The following NEGR1 variants were observed in gnomAD, a reference collection of about 807,000 sequenced individuals.
NEGR1 encodes the protein IgLON family member 4.
In NEGR1, 10 loss-of-function variants were observed where a neutral mutation model predicts 40.9. The observed-to-expected ratio is 0.24, with a 90% confidence interval of 0.15 to 0.42. The LOEUF is 0.42. NEGR1 is among the 10% of genes least tolerant of loss of function. The probability of loss-of-function intolerance (pLI) is 1.00; values close to 1 mark genes in which losing one functional copy is unlikely to be tolerated. For missense variants in NEGR1, 352 were observed against 438.9 expected, an observed-to-expected ratio of 0.80 and a Z score of 1.77; for synonymous variants, 185 against 166.8, an observed-to-expected ratio of 1.11 and a Z score of -0.84.
chr1:72,208,956 G>C (rs1653503447), intron 1 of NEGR1, among the ~76,000 whole-genome samples: 1 of 151,396 alleles, frequency 6.6e-6, no homozygotes, highest in Non-Finnish European at 1.5e-5. Context: ...AAAAAATATT[G>C]TAAGTTTCTT....
intron 1 of NEGR1, among the ~76,000 whole-genome samples, chr1:72,145,573 T>C (rs1219461741): frequency 6.6e-6 from 1 of 152,018 alleles, no homozygotes; most frequent in Non-Finnish European, 1.5e-5. Context: ...ATGAAATGGG[T>C]TGTTTTGGTG....
chr1:72,166,840 C>A (rs1335209419), intron 1 of NEGR1, among the ~76,000 whole-genome samples: 2 of 151,826 alleles, frequency 1.3e-5, no homozygotes, highest in African/African-American at 4.8e-5. Flanking sequence ...CATAGTGTAT[C>A]CTATGCATAC....
intron 4 of NEGR1, among the ~76,000 whole-genome samples, chr1:71,650,752 T>C (rs1176210942): frequency 1.3e-5 from 2 of 152,164 alleles, no homozygotes; most frequent in Admixed American, 1.3e-4. Context: ...TAAAATGGAA[T>C]TGTGATTTTG....
At position 72,123,118 on chromosome 1, in the gene NEGR1, A is replaced by G. The variant is rs1384097462; in HGVS notation, c.176+159201T>C. On this transcript the variant is annotated intron_variant, in intron 1 of 6. Coordinates refer to ENST00000357731, the MANE Select transcript of NEGR1 (RefSeq NM_173808.3). ...TGTGAAGTTTCTTAAGCGAATAAGA[A>G]TTTATTTAGAATCATAGACCCTCAG... is the stretch of plus-strand genomic sequence containing the variant. Among the ~76,000 whole-genome samples, 3 of 152,064 alleles carry G rather than the reference A, an allele frequency of 2.0e-5. No homozygotes were observed. In the East Asian group the frequency reaches 5.8e-4, roughly 29 times the overall value.
chr1:72,051,234 C>T (rs1302673442), intron 1 of NEGR1, among the ~76,000 whole-genome samples: 1 of 151,332 alleles, frequency 6.6e-6, no homozygotes, highest in Non-Finnish European at 1.5e-5. Flanking sequence ...GATAAGGTAC[C>T]TTACATTTGT....
chr1:71,615,351 A>G (rs1414219171), intron 4 of NEGR1, among the ~76,000 whole-genome samples: 1 of 152,224 alleles, frequency 6.6e-6, no homozygotes, highest in East Asian at 1.9e-4. Context: ...AGACGAAAAC[A>G]GAGCAGGGTG....
chr1:71,926,916 T>C (rs562784667), intron 2 of NEGR1, among the ~76,000 whole-genome samples: 3 of 152,180 alleles, frequency 2.0e-5, no homozygotes, highest in Non-Finnish European at 2.9e-5. Context: ...AAATACTATT[T>C]ACTGAAATCT....
At chr1:72,233,878 C>A (rs909462301) in intron 1 of NEGR1, among the ~76,000 whole-genome samples, 1 of 152,026 alleles carries the variant, frequency 6.6e-6, no homozygotes, top group African/African-American at 2.4e-5. Flanking sequence ...AAACTGCCTG[C>A]CAAAGTGGCT....
intron 2 of NEGR1, among the ~76,000 whole-genome samples, chr1:71,927,689 G>A (rs1645787713): frequency 6.6e-6 from 1 of 151,322 alleles, no homozygotes; most frequent in Non-Finnish European, 1.5e-5. Context: ...GGAATATAAT[G>A]GTAGTCCTGG....
intron 3 of NEGR1, chr1:71,703,520 AAAATT>A (rs1653771742): frequency 6.6e-6 from 1 of 151,698 alleles, no homozygotes; most frequent in Admixed American, 6.6e-5. Flanking sequence ...TAAGAGAAAA[AAAATT>A]AAATACAGTT....
At chr1:72,130,392 C>CT (rs371707662) in intron 1 of NEGR1, among the ~76,000 whole-genome samples, 319 of 152,290 alleles carry the variant, frequency 2.1e-3, no homozygotes, top group African/African-American at 7.4e-3. Context: ...AACTTCCGTT[C>CT]TTTTAAGTAA....
intron 3 of NEGR1, among the ~76,000 whole-genome samples, chr1:71,751,500 C>T (rs544183911): frequency 6.6e-6 from 1 of 152,286 alleles, no homozygotes; most frequent in African/African-American, 2.4e-5. Flanking sequence ...GTTTGACTTC[C>T]CAAATCCCAA....
At chr1:71,412,327 A>C (rs530220812) in intron 6 of NEGR1, among the ~76,000 whole-genome samples, 4 of 152,278 alleles carry the variant, frequency 2.6e-5, no homozygotes, top group African/African-American at 9.6e-5. Context: ...AGTCCTGCTC[A>C]TCCTTAAACA....
At chr1:72,040,626 C>CAAAA (rs1646945027) in intron 1 of NEGR1, among the ~76,000 whole-genome samples, 2 of 121,762 alleles carry the variant, frequency 1.6e-5, no homozygotes, top group South Asian at 5.5e-4. Flanking sequence ...AGAATAAGTC[C>CAAAA]ATCAACTGGG....
At chr1:71,953,778 A>C (rs1378005279) in intron 1 of NEGR1, among the ~76,000 whole-genome samples, 1 of 152,046 alleles carries the variant, frequency 6.6e-6, no homozygotes, top group Non-Finnish European at 1.5e-5. Flanking sequence ...TGAAGGCTCA[A>C]ATGATAATTA....
intron 2 of NEGR1, among the ~76,000 whole-genome samples, chr1:71,921,579 A>C (rs961162681): frequency 6.6e-6 from 1 of 151,124 alleles, no homozygotes; most frequent in East Asian, 1.9e-4. Flanking sequence ...TTTTCTTAAT[A>C]ACATTTTCTT....
intron 4 of NEGR1, among the ~76,000 whole-genome samples, chr1:71,678,534 C>A (rs1652719419): frequency 6.6e-6 from 1 of 152,082 alleles, no homozygotes; most frequent in Non-Finnish European, 1.5e-5. Flanking sequence ...CCCTTACTTA[C>A]TGCTTGGCAG....
At chr1:71,734,198 C>T (rs1391954052) in intron 3 of NEGR1, among the ~76,000 whole-genome samples, 4 of 152,120 alleles carry the variant, frequency 2.6e-5, no homozygotes, top group Non-Finnish European at 5.9e-5. Flanking sequence ...AAGAATAGGA[C>T]CGGCAATTAC....
chr1:71,456,038 G>A (rs186140484), intron 6 of NEGR1, among the ~76,000 whole-genome samples: 17 of 152,072 alleles, frequency 1.1e-4, no homozygotes, highest in Admixed American at 2.0e-4. Context: ...TAAATATATG[G>A]GAATAAAAAT....
Sources: allele counts gnomAD v4.1 joint callset (sites outside exome capture counted in the v4.1 genomes callset), GRCh38; gene constraint gnomAD v4.1.1; transcripts MANE v1.5; gene names NCBI Gene and HGNC (gene_info 2026-07-23, HGNC 2026-07-21).